The following CASC3 variants were observed in gnomAD, a reference collection of about 807,000 sequenced individuals.
CASC3 encodes protein CASC3.
A neutral mutation model predicts 80.5 loss-of-function variants in CASC3; 30 were observed. That is an observed-to-expected ratio of 0.37 (90% CI 0.28 to 0.51). The LOEUF (loss-of-function observed/expected upper bound fraction) is 0.51. Ranked by LOEUF, CASC3 falls within the 20% of genes least tolerant of loss-of-function variation. The probability of loss-of-function intolerance (pLI) is 0.94; values close to 1 mark genes in which losing one functional copy is unlikely to be tolerated. For missense variants in CASC3, 824 were observed against 922.2 expected, an observed-to-expected ratio of 0.89 and a Z score of 1.38; for synonymous variants, 312 against 333.6, an observed-to-expected ratio of 0.94 and a Z score of 0.70.
rs147446323 is a variant in CASC3 at position 40,141,200 on chromosome 17, CT to C, written c.232-4del. The C allele has an allele frequency of 0.025, 41,080 of 1,613,312 alleles. 613 individuals carry two copies. Among genetic ancestry groups the C allele is most frequent in the Middle Eastern group, 0.046 (277 of 6,062 alleles). ...AGAACTAACCCATGTCTTCTGCTTT[CT>C]TTCAGGAGAGTGAAGATGGCATTGA... is the stretch of plus-strand genomic sequence containing the variant. On this transcript the variant is annotated splice_region_variant and splice_polypyrimidine_tract_variant and intron_variant, in intron 1 of 13. Transcript: ENST00000264645.
intron 3 of CASC3, among the ~76,000 whole-genome samples, chr17:40,143,536 T>C (rs1481758045): frequency 6.6e-6 from 1 of 151,776 alleles, no homozygotes; most frequent in African/African-American, 2.4e-5. Context: ...ATTGTACATT[T>C]AAAAATAACT....
chr17:40,143,362 C>CT (rs1290043080), intron 3 of CASC3, among the ~76,000 whole-genome samples: 1 of 151,130 alleles, frequency 6.6e-6, no homozygotes, highest in Non-Finnish European at 1.5e-5. Context: ...AGGAGAATCC[C>CT]TTGAGCCTGG....
chr17:40,145,866 A>G (rs1053604878), intron 3 of CASC3, among the ~76,000 whole-genome samples: 9 of 151,916 alleles, frequency 5.9e-5, no homozygotes. Flanking sequence ...CCTGACCTCA[A>G]GTGATCTGCC....
chr17:40,162,201 G>GT, intron 5 of CASC3, 48 bp downstream of exon 5: 2 of 1,557,790 alleles, frequency 1.3e-6, no homozygotes, highest in Non-Finnish European at 1.7e-6. Context: ...TTTTACACAT[G>GT]TAGGCCAGGT....
chr17:40,168,171 TATTTTTC>T, intron 10 of CASC3, 25 bp from the exon 11 acceptor site: 2 of 1,588,360 alleles, frequency 1.3e-6, no homozygotes, highest in Non-Finnish European at 1.7e-6. Flanking sequence ...GATGTTACTT[TATTTTTC>T]AGTTTTTTTC....
chr17:40,169,608 G>A lies in CASC3; in HGVS notation c.2099G>A (p.Arg700Lys). 1 of 1,597,578 alleles carries A rather than the reference G, an allele frequency of 6.3e-7. No individual in the cohort carries two copies. The highest frequency in any genetic ancestry group is 8.5e-7 in the Non-Finnish European group (1 of 1,173,600). ...ACTTTGTTATTTCAGGTTGTAAGCA[G>A]GGGTTCCAGTTAATACAAGTTTCTG... ...IKPPPPEVVS[R>K]GSS The change falls in exon 13 of 14, where the codon AGG (arginine) becomes AAG (lysine). Residue 700 changes from arginine to lysine, a missense_variant. Arg to Lys is a conservative substitution (Grantham distance 26). Coordinates refer to ENST00000264645, the MANE Select transcript of CASC3 (RefSeq NM_007359.5).
At position 40,171,090 on chromosome 17, in the gene CASC3, C is replaced by T; in HGVS notation, c.*685C>T. 1 of 985,778 alleles carries T rather than the reference C, an allele frequency of 1.0e-6. No homozygotes were observed. The highest frequency in any genetic ancestry group is 1.1e-4 in the East Asian group (1 of 8,948). 61.1% of individuals were successfully genotyped at this position (985,778 alleles called of 1,614,324 possible). A position where few individuals can be genotyped will look rare whatever the true frequency, so the allele number is the denominator to read the frequency against. On this transcript the variant is annotated 3_prime_UTR_variant, in exon 14 of 14. Transcript: ENST00000264645. ...CCCTGTGGAAGCATGGCTGTCTGCACAGAGGGTCCCATTGTGCAGAAAAGC... is the reference window on the plus strand; with the variant it reads ...CCCTGTGGAAGCATGGCTGTCTGCATAGAGGGTCCCATTGTGCAGAAAAGC...
At chr17:40,167,718 A>G (rs1598431895) in intron 9 of CASC3, 106 bp downstream of exon 9, 2 of 1,233,412 alleles carry the variant, frequency 1.6e-6, no homozygotes, top group Admixed American at 1.8e-5. Flanking sequence ...TATAGTGGTT[A>G]TCAAACATTG....
chr17:40,154,105 G>GTTTT (rs548654217), intron 3 of CASC3, among the ~76,000 whole-genome samples: 46 of 76,734 alleles, frequency 6.0e-4, no homozygotes, highest in African/African-American at 1.9e-3. Flanking sequence ...GATGCTGAGC[G>GTTTT]TTTTTTTTTT....
intron 3 of CASC3, among the ~76,000 whole-genome samples, chr17:40,154,950 C>A (rs1989107739): frequency 6.6e-6 from 1 of 152,044 alleles, no homozygotes; most frequent in South Asian, 2.1e-4. Context: ...AGTGCAGTGG[C>A]GCTATCTAGG....
At chr17:40,144,798 T>C (rs1446307662) in intron 3 of CASC3, among the ~76,000 whole-genome samples, 5 of 137,630 alleles carry the variant, frequency 3.6e-5, no homozygotes, top group East Asian at 4.3e-4. Context: ...TGCCTTGACC[T>C]CCTGAAGTGC....
At position 40,169,363 on chromosome 17, in the gene CASC3, C is replaced by A; in HGVS notation, c.2005C>A (p.Pro669Thr). The change falls in exon 12 of 14, where the codon CCC becomes ACC. Residue 669 changes from proline to threonine, a missense_variant. Coordinates refer to ENST00000264645, the MANE Select transcript of CASC3 (RefSeq NM_007359.5). The part of the protein sequence containing the change: ...QVYGGVTYYN[P>T]AQQQVQPKPS... ...ATATGGAGGAGTGACCTACTATAAC[C>A]CCGCCCAGCAGCAGGTGCAGCCAAA... The A allele has an allele frequency of 6.2e-7, 1 of 1,613,126 alleles. No homozygotes were observed. The highest frequency in any genetic ancestry group is 8.5e-7 in the Non-Finnish European group (1 of 1,179,666).
chr17:40,148,155 G>T (rs1988905910), intron 3 of CASC3, among the ~76,000 whole-genome samples: 1 of 152,096 alleles, frequency 6.6e-6, no homozygotes, highest in Admixed American at 6.6e-5. Flanking sequence ...AGCTGCTTCT[G>T]TTGTTTTTCT....
intron 6 of CASC3, among the ~76,000 whole-genome samples, 190 bp from the exon 7 acceptor site, chr17:40,163,291 C>T (rs1201165007): frequency 6.6e-6 from 1 of 151,966 alleles, no homozygotes; most frequent in Non-Finnish European, 1.5e-5. Context: ...CGTACTATCG[C>T]GATCGGCTAA....
intron 3 of CASC3, among the ~76,000 whole-genome samples, chr17:40,146,432 CTTTTTTTT>C (rs761549032): frequency 7.4e-6 from 1 of 134,936 alleles, no homozygotes; most frequent in Non-Finnish European, 1.6e-5. Context: ...AGTACGATTT[CTTTTTTTT>C]TTTTTTTTTC....
Position 40,169,317 on chromosome 17 carries a change from G to T in CASC3, c.1966-7G>T, listed in dbSNP as rs1425294377. 6.4e-7 allele frequency: 1 copy of T among 1,566,890 alleles called. No homozygotes were observed. Among genetic ancestry groups the T allele is most frequent in the Non-Finnish European group, 8.6e-7 (1 of 1,159,032 alleles). ...ACTTTTTCTTCTCCTGGCTTGTGGG[G>T]TCCCAGGCCCCATCACAGGTATATG... On this transcript the variant is annotated splice_region_variant and splice_polypyrimidine_tract_variant and intron_variant, in intron 11 of 13. Coordinates refer to ENST00000264645, the MANE Select transcript of CASC3 (RefSeq NM_007359.5).
chr17:40,168,371 G>A lies in CASC3; in HGVS notation c.1919G>A (p.Gly640Glu). 6.2e-7 allele frequency: 1 copy of A among 1,613,836 alleles called. No homozygotes were observed. The highest frequency in any genetic ancestry group is 2.2e-5 in the East Asian group (1 of 44,880). ...FGNPSYPYAP[G>E]ALPPPPPPHL... ...AATCCCAGTTACCCTTATGCTCCAG[G>A]GGCACTGCCTCCCCCACCACCGCCT... Residue 640 changes from glycine (G) to glutamate (E), a missense_variant, in exon 11 of 14, where the codon GGG (glycine) becomes GAG (glutamate). By Grantham distance (98) the Gly-to-Glu change is moderately conservative. Transcript: ENST00000264645.
intron 3 of CASC3, among the ~76,000 whole-genome samples, chr17:40,157,554 A>G (rs963692840): frequency 3.3e-5 from 5 of 152,066 alleles, no homozygotes; most frequent in Non-Finnish European, 7.4e-5. Flanking sequence ...ATACGCCTGT[A>G]GTCCCTGCTA....
intron 3 of CASC3, 37 bp from the exon 4 acceptor site, chr17:40,161,716 A>C: frequency 6.3e-7 from 1 of 1,598,668 alleles, no homozygotes; most frequent in Non-Finnish European, 8.6e-7. Flanking sequence ...CACCGTTCAG[A>C]TCTTATATGC....
Sources: allele counts gnomAD v4.1 joint callset (sites outside exome capture counted in the v4.1 genomes callset), GRCh38; gene constraint gnomAD v4.1.1; transcripts MANE v1.5; gene names NCBI Gene and HGNC (gene_info 2026-07-23, HGNC 2026-07-21).